Variants in DLC1 observed in about 807,000 individuals in gnomAD.
The protein encoded by DLC1 is rho GTPase-activating protein 7.
DLC1 carries 54 observed loss-of-function variants against 140.3 expected under a neutral mutation model. The ratio of observed to expected loss-of-function variants is 0.38; its 90% CI spans 0.31 to 0.48. The LOEUF is 0.48. Among genes scored for constraint, DLC1 ranks in the 20% least tolerant of loss-of-function variants. The pLI is 0.96. For synonymous variants in DLC1, 986 were observed against 728.1 expected (o/e 1.35, Z -5.70); for missense variants, 2,536 against 1,907.0 (o/e 1.33, Z -6.14).
intron 5 of DLC1, among the ~76,000 whole-genome samples, chr8:13,190,732 G>A (rs182595025): frequency 6.6e-6 from 1 of 152,152 alleles, no homozygotes; most frequent in African/African-American, 2.4e-5. Context: ...GTGGAGTGGA[G>A]GGAGAGGCGT....
At chr8:13,145,254 G>C (rs1823330417) in intron 5 of DLC1, among the ~76,000 whole-genome samples, 1 of 151,246 alleles carries the variant, frequency 6.6e-6, no homozygotes, top group African/African-American at 2.4e-5. Flanking sequence ...TAAGCACCCA[G>C]TTCAGAAAAA....
At chr8:13,352,591 GGCTGGC>G (rs1229419173) in intron 4 of DLC1, among the ~76,000 whole-genome samples, 3 of 152,060 alleles carry the variant, frequency 2.0e-5, no homozygotes, top group Admixed American at 6.6e-5. Context: ...ATGTTGCCCA[GGCTGGC>G]CTCAAATTCC....
intron 2 of DLC1, among the ~76,000 whole-genome samples, chr8:13,425,024 T>C (rs1838493341): frequency 6.6e-6 from 1 of 152,144 alleles, no homozygotes; most frequent in African/African-American, 2.4e-5. Flanking sequence ...TCTATGACTT[T>C]TTTTTCACAT....
At position 13,255,585 on chromosome 8, in the gene DLC1, A is replaced by T. The variant is rs115740468; in HGVS notation, c.1348+49684T>A. Among the ~76,000 whole-genome samples the T allele has an allele frequency of 6.0e-3, 914 of 152,336 alleles. 11 individuals are homozygous for T. Among genetic ancestry groups the T allele is most frequent in the African/African-American group, 0.021 (870 of 41,582 alleles). On this transcript the variant is annotated intron_variant, in intron 5 of 17. Transcript: ENST00000276297. ...TGAGGGTTGAAAACTACAGCTTTCT[A>T]CTTTAGCCAAGCAAGATGACTCTGG...
At chr8:13,136,039 C>A (rs538688710) in intron 5 of DLC1, among the ~76,000 whole-genome samples, 1 of 152,188 alleles carries the variant, frequency 6.6e-6, no homozygotes, top group Admixed American at 6.5e-5. Flanking sequence ...AAGGGCCAAG[C>A]CCCAATTTGT....
chr8:13,525,713 T>G (rs1331383152), intron 1 of DLC1, among the ~76,000 whole-genome samples: 1 of 152,230 alleles, frequency 6.6e-6, no homozygotes, highest in Non-Finnish European at 1.5e-5. Context: ...ATATTCTGCA[T>G]ATAAGCTCTT....
Position 13,084,950 on chromosome 8 carries a change from AAAAACAAAAC to A in DLC1, c.*851_*860del, listed in dbSNP as rs1028247157. 3 of 152,290 alleles carry A rather than the reference AAAAACAAAAC, an allele frequency of 2.0e-5. No individual in the cohort carries two copies. The highest frequency in any genetic ancestry group is 4.4e-5 in the Non-Finnish European group (3 of 68,112). 9.4% of individuals were successfully genotyped at this position (152,290 alleles called of 1,614,324 possible). The stretch of plus-strand genomic sequence containing the variant: ...CAGTTTTTATATCTCGACTTAAACA[AAAAACAAAAC>A]AAAACAAAACAAAACCCTGTGGATC... On this transcript the variant is annotated 3_prime_UTR_variant, in exon 18 of 18. Coordinates refer to ENST00000276297, the MANE Select transcript of DLC1 (RefSeq NM_182643.3).
intron 5 of DLC1, among the ~76,000 whole-genome samples, chr8:13,155,858 G>A: frequency 6.6e-6 from 1 of 152,156 alleles, no homozygotes; most frequent in East Asian, 1.9e-4. Context: ...CTCATAAAGT[G>A]AAATGAGAAA....
chr8:13,163,237 T>C (rs17126332), intron 5 of DLC1, among the ~76,000 whole-genome samples: 3,709 of 152,276 alleles, frequency 0.024, 156 homozygotes, highest in African/African-American at 0.083. Context: ...CATAAAAATA[T>C]TAATCCACAC....
intron 2 of DLC1, among the ~76,000 whole-genome samples, chr8:13,431,300 G>A (rs375520859): frequency 3.3e-5 from 5 of 151,498 alleles, no homozygotes; most frequent in Admixed American, 6.6e-5. Flanking sequence ...TGGCTAACAC[G>A]GTGAAACCCC....
At chr8:13,445,809 A>G (rs932720431) in intron 2 of DLC1, among the ~76,000 whole-genome samples, 1 of 152,176 alleles carries the variant, frequency 6.6e-6, no homozygotes, top group Non-Finnish European at 1.5e-5. Flanking sequence ...GAATCTGCAT[A>G]CTTAGCACCT....
At chr8:13,141,940 T>A (rs1471736553) in intron 5 of DLC1, among the ~76,000 whole-genome samples, 1 of 152,198 alleles carries the variant, frequency 6.6e-6, no homozygotes, top group African/African-American at 2.4e-5. Context: ...AAATCTCATC[T>A]TGAACTGTAA....
chr8:13,550,542 T>C (rs1803810513), intron 1 of DLC1, among the ~76,000 whole-genome samples: 1 of 152,142 alleles, frequency 6.6e-6, no homozygotes, highest in South Asian at 2.1e-4. Context: ...TCATACCCCA[T>C]AGTAAAGAAA....
intron 2 of DLC1, among the ~76,000 whole-genome samples, chr8:13,428,801 C>A (rs1157761664): frequency 6.6e-6 from 1 of 152,082 alleles, no homozygotes; most frequent in Non-Finnish European, 1.5e-5. Flanking sequence ...TCAATGTATA[C>A]CATTTTAGGT....
At chr8:13,458,848 C>A (rs1023283423) in intron 2 of DLC1, among the ~76,000 whole-genome samples, 2 of 151,760 alleles carry the variant, frequency 1.3e-5, no homozygotes, top group Non-Finnish European at 2.9e-5. Context: ...AAAAGATGCG[C>A]TTATGACTAT....
intron 4 of DLC1, among the ~76,000 whole-genome samples, chr8:13,391,767 G>C (rs1316337047): frequency 6.6e-6 from 1 of 152,082 alleles, no homozygotes; most frequent in African/African-American, 2.4e-5. Context: ...TGTTCCAAGA[G>C]AGAAAGTGGA....
At chr8:13,125,490 T>A (rs545380981) in intron 5 of DLC1, among the ~76,000 whole-genome samples, 1 of 152,354 alleles carries the variant, frequency 6.6e-6, no homozygotes, top group Admixed American at 6.5e-5. Flanking sequence ...CATGTTGTCT[T>A]CCAAAGAATC....
At chr8:13,177,575 T>G (rs1009516672) in intron 5 of DLC1, among the ~76,000 whole-genome samples, 1 of 152,234 alleles carries the variant, frequency 6.6e-6, no homozygotes, top group African/African-American at 2.4e-5. Context: ...TATTGATATA[T>G]GCATTACAAA....
intron 4 of DLC1, among the ~76,000 whole-genome samples, chr8:13,327,017 C>T (rs1035274309): frequency 6.6e-6 from 1 of 151,700 alleles, no homozygotes; most frequent in Non-Finnish European, 1.5e-5. Flanking sequence ...TGCAGTGGCA[C>T]GATCTTGGCT....
Sources: gnomAD v4.1 joint callset for allele counts (sites outside exome capture counted in the v4.1 genomes callset) on GRCh38, gnomAD v4.1.1 for gene constraint, MANE v1.5 for transcripts, NCBI Gene and HGNC (gene_info 2026-07-23, HGNC 2026-07-21) for gene names.